Variants in EPAS1 observed in about 807,000 individuals in gnomAD.
EPAS1 encodes endothelial PAS domain-containing protein 1.
EPAS1 carries 23 observed loss-of-function variants against 87.9 expected under a neutral mutation model. That is an observed-to-expected ratio of 0.26 (90% CI 0.19 to 0.37). The LOEUF is 0.37. EPAS1 is among the 10% of genes least tolerant of loss of function. The pLI is 1.00. For synonymous variants in EPAS1, 508 were observed against 444.3 expected, an observed-to-expected ratio of 1.14 and a Z score of -1.80; for missense variants, 1,138 against 1,120.7, an observed-to-expected ratio of 1.02 and a Z score of -0.22.
At chr2:46,377,309 T>C (rs556467495) in intron 9 of EPAS1, among the ~76,000 whole-genome samples, 2 of 152,332 alleles carry the variant, frequency 1.3e-5, no homozygotes, top group East Asian at 3.9e-4. Flanking sequence ...CGGCAGGGTT[T>C]TCAGCCCTCG....
rs549569611 is a variant in EPAS1 at position 46,381,700 on chromosome 2, A to G, written c.2150A>G (p.Gln717Arg). 1.9e-6 allele frequency: 3 copies of G among 1,613,970 alleles called. No homozygotes were observed. Among genetic ancestry groups the G allele is most frequent in the Admixed American group, 3.3e-5 (2 of 60,028 alleles). Reference protein sequence around the residue: ...KLKRQLEYEEQAFQDLSGGDP... With the variant: ...KLKRQLEYEERAFQDLSGGDP... Reference sequence around the variant, plus strand: ...AAGCGACAGCTGGAGTATGAAGAGCAAGCCTTCCAGGACCTGAGCGGGGTG... The same window carrying G: ...AAGCGACAGCTGGAGTATGAAGAGCGAGCCTTCCAGGACCTGAGCGGGGTG... The change falls in exon 13 of 16, where the codon CAA becomes CGA. Residue 717 changes from glutamine (Q) to arginine (R), a missense_variant. Gln to Arg is a conservative substitution (Grantham distance 43, BLOSUM62 1). Coordinates refer to ENST00000263734, the MANE Select transcript of EPAS1 (RefSeq NM_001430.5).
At position 46,378,755 on chromosome 2, in the gene EPAS1, A is replaced by G. The variant is rs1405224315; in HGVS notation, c.1542A>G (p.Gln514=). ...CCATGGACACAGAGGCCAAGGACCAATGCAGTACCCAGGTAGATGGCTGTG... is the reference window on the plus strand; with the variant it reads ...CCATGGACACAGAGGCCAAGGACCAGTGCAGTACCCAGGTAGATGGCTGTG... ...LFAMDTEAKD[Q]CSTQTDFNEL... The change falls in exon 11 of 16, where the codon CAA becomes CAG. Residue 514 remains glutamine (Q), a synonymous_variant. Transcript: ENST00000263734. 2 of 1,614,006 alleles carry G rather than the reference A, an allele frequency of 1.2e-6. No individual in the cohort carries two copies. Among genetic ancestry groups the G allele is most frequent in the African/African-American group, 2.7e-5 (2 of 75,068 alleles).
intron 1 of EPAS1, among the ~76,000 whole-genome samples, chr2:46,337,916 C>T (rs1395437358): frequency 1.3e-5 from 2 of 152,094 alleles, no homozygotes; most frequent in East Asian, 3.9e-4. Context: ...CCCAAGGGGG[C>T]TGGTGTGCCA....
intron 1 of EPAS1, among the ~76,000 whole-genome samples, chr2:46,328,081 GA>G (rs978704033): frequency 4.6e-5 from 7 of 152,196 alleles, no homozygotes; most frequent in African/African-American, 1.7e-4. Flanking sequence ...ATGGTCCCCA[GA>G]GTCCATATGC....
At position 46,375,877 on chromosome 2, in the gene EPAS1, G is replaced by A; in HGVS notation, c.1034+40G>A. 6.2e-7 allele frequency: 1 copy of A among 1,613,664 alleles called. No homozygotes were observed. The highest frequency in any genetic ancestry group is 8.5e-7 in the Non-Finnish European group (1 of 1,179,958). On this transcript the variant is annotated intron_variant, in intron 8 of 15. Coordinates refer to ENST00000263734, the MANE Select transcript of EPAS1 (RefSeq NM_001430.5). This position sits in a 1 kb window ranked among gnomAD's most constrained non-coding sequence, Gnocchi z 4.1. ...GCTGGCGGGCCTTGGTGCAGGGTAT[G>A]TGGGGGTGCCCAAGCTTCCCAGACT...
chr2:46,310,272 C>G (rs761150541), intron 1 of EPAS1, among the ~76,000 whole-genome samples: 9 of 152,040 alleles, frequency 5.9e-5, no homozygotes, highest in Non-Finnish European at 1.3e-4. Flanking sequence ...CCTTTGTCCC[C>G]CTCATTATTT....
intron 1 of EPAS1, among the ~76,000 whole-genome samples, chr2:46,323,577 G>A (rs991886322): frequency 6.6e-6 from 1 of 152,210 alleles, no homozygotes; most frequent in Non-Finnish European, 1.5e-5. Flanking sequence ...CAGTAACCCT[G>A]AGAGCAGACT....
chr2:46,381,816 GCA>G, intron 13 of EPAS1, 94 bp downstream of exon 13: 1 of 1,578,576 alleles, frequency 6.3e-7, no homozygotes, highest in Non-Finnish European at 8.6e-7. Flanking sequence ...TTCCAAGCCA[GCA>G]TAGCCCTTAG....
chr2:46,304,762 G>T (rs954760678), intron 1 of EPAS1, among the ~76,000 whole-genome samples: 9 of 152,206 alleles, frequency 5.9e-5, no homozygotes, highest in Admixed American at 5.9e-4. Flanking sequence ...CCTGTTAGAA[G>T]CTCTTCCTCT....
chr2:46,316,428 T>A (rs1203722970), intron 1 of EPAS1, among the ~76,000 whole-genome samples: 1 of 152,096 alleles, frequency 6.6e-6, no homozygotes, highest in Non-Finnish European at 1.5e-5. Context: ...ACCCAGCTAA[T>A]TTTTGTGTTT....
chr2:46,298,824 G>A (rs1026697731), intron 1 of EPAS1, among the ~76,000 whole-genome samples: 16 of 152,220 alleles, frequency 1.1e-4, no homozygotes, highest in African/African-American at 3.9e-4. Context: ...GAGGGTTCGA[G>A]CCCTCTGCGC....
chr2:46,349,140 G>C (rs1186939531), intron 2 of EPAS1, among the ~76,000 whole-genome samples: 1 of 152,170 alleles, frequency 6.6e-6, no homozygotes, highest in Non-Finnish European at 1.5e-5. Context: ...TATGGGGTGT[G>C]GGGGAAGGGA....
intron 1 of EPAS1, among the ~76,000 whole-genome samples, chr2:46,298,435 A>T (rs893192519): frequency 5.9e-5 from 9 of 152,092 alleles, no homozygotes; most frequent in Non-Finnish European, 1.3e-4. Context: ...GGAGGCGGAG[A>T]GCGGCTCAGG....
At chr2:46,372,095 A>G (rs901985270) in intron 7 of EPAS1, among the ~76,000 whole-genome samples, 5 of 152,162 alleles carry the variant, frequency 3.3e-5, no homozygotes, top group African/African-American at 7.2e-5. Context: ...GAATCCGTGT[A>G]TTTACTTATT....
At chr2:46,367,104 T>A (rs1272873771) in intron 6 of EPAS1, among the ~76,000 whole-genome samples, 1 of 152,274 alleles carries the variant, frequency 6.6e-6, no homozygotes, top group Non-Finnish European at 1.5e-5. Flanking sequence ...TGGGAAGATA[T>A]CTGGCAGTTC....
At chr2:46,301,436 G>A (rs1572610135) in intron 1 of EPAS1, among the ~76,000 whole-genome samples, 1 of 151,978 alleles carries the variant, frequency 6.6e-6, no homozygotes, top group African/African-American at 2.4e-5. Flanking sequence ...AATTAGCCGG[G>A]CGTGGTGGTG....
In EPAS1 at chr2:46,380,757, C is replaced by T. The variant is rs777539112; in HGVS notation, c.2045+40C>T. 3.9e-5 allele frequency: 63 copies of T among 1,601,168 alleles called. No individual in the cohort carries two copies. Among genetic ancestry groups the T allele is most frequent in the Non-Finnish European group, 4.6e-5 (54 of 1,179,954 alleles). Reference sequence around the variant, plus strand: ...CTCAGCTGTACCAGCAGGGCCGAACCGAGAGGCACCCACTAGTAAGATAGC... The same window carrying T: ...CTCAGCTGTACCAGCAGGGCCGAACTGAGAGGCACCCACTAGTAAGATAGC... On this transcript the variant is annotated intron_variant, in intron 12 of 15. Coordinates refer to ENST00000263734, the MANE Select transcript of EPAS1 (RefSeq NM_001430.5). This position sits in a 1 kb window ranked among gnomAD's most constrained non-coding sequence, Gnocchi z 4.4.
chr2:46,331,028 G>C (rs1432061912), intron 1 of EPAS1, among the ~76,000 whole-genome samples: 2 of 152,152 alleles, frequency 1.3e-5, no homozygotes, highest in Non-Finnish European at 2.9e-5. Flanking sequence ...TATTGAGTGT[G>C]TAGTATTTCT....
intron 1 of EPAS1, among the ~76,000 whole-genome samples, chr2:46,343,111 A>G (rs920819993): frequency 6.6e-5 from 10 of 152,212 alleles, no homozygotes; most frequent in Non-Finnish European, 2.9e-5. Context: ...GCAGAGCCAC[A>G]TCTGATAACA....
Sources: gnomAD v4.1 joint callset for allele counts (sites outside exome capture counted in the v4.1 genomes callset) on GRCh38, gnomAD v4.1.1 for gene constraint, Gnocchi (gnomAD v3.1) non-coding constraint, MANE v1.5 for transcripts, NCBI Gene and HGNC (gene_info 2026-07-23, HGNC 2026-07-21) for gene names.